Variants in BTBD16 observed in about 807,000 individuals in gnomAD.
BTBD16 encodes the protein BTB domain containing 16, also known as BTB/POZ domain-containing protein 16.
BTBD16 carries 66 observed loss-of-function variants against 67.4 expected under a neutral mutation model. The ratio of observed to expected loss-of-function variants is 0.98; its 90% confidence interval spans 0.80 to 1.20. BTBD16 has a LOEUF of 1.20. BTBD16 is among the 50% of genes most tolerant of loss of function. The pLI is 0.00. For synonymous variants in BTBD16, 242 were observed against 236.4 expected (o/e 1.02, Z -0.22); for missense variants, 634 against 616.0 (o/e 1.03, Z -0.31).
chr10:122,334,506 T>G (rs1324338809), intron 13 of BTBD16, among the ~76,000 whole-genome samples: 1 of 106,268 alleles, frequency 9.4e-6, no homozygotes, highest in Non-Finnish European at 1.9e-5. Context: ...TTTTTTTTTT[T>G]TTTTTTTTTT....
At chr10:122,333,874 G>A (rs1220382167) in intron 13 of BTBD16, among the ~76,000 whole-genome samples, 4 of 152,082 alleles carry the variant, frequency 2.6e-5, no homozygotes, top group Non-Finnish European at 2.9e-5. Context: ...AGTTCTCGAG[G>A]TAGCCTCCAG....
chr10:122,297,865 G>A (rs774088901), intron 8 of BTBD16, 28 bp downstream of exon 8: 7 of 1,610,092 alleles, frequency 4.3e-6, no homozygotes, highest in Non-Finnish European at 5.9e-6. Flanking sequence ...GGGGCACATC[G>A]CCCCTTGGGG....
At chr10:122,328,069 G>A (rs1468861810) in intron 10 of BTBD16, among the ~76,000 whole-genome samples, 1 of 152,194 alleles carries the variant, frequency 6.6e-6, no homozygotes, top group Admixed American at 6.5e-5. Flanking sequence ...CTTGCCCCTT[G>A]GAACCTGCTG....
intron 10 of BTBD16, among the ~76,000 whole-genome samples, chr10:122,326,776 G>T (rs2096445631): frequency 6.6e-6 from 1 of 152,144 alleles, no homozygotes; most frequent in Non-Finnish European, 1.5e-5. Context: ...TCCCTAGAGG[G>T]GTCATGCCCC....
At chr10:122,315,909 G>T (rs1039202147) in intron 10 of BTBD16, among the ~76,000 whole-genome samples, 14 of 152,074 alleles carry the variant, frequency 9.2e-5, no homozygotes, top group Admixed American at 6.6e-4. Flanking sequence ...CCCATAAAAT[G>T]ATCATTACAA....
At chr10:122,332,534 A>T (rs767543910) in intron 13 of BTBD16, 21 bp downstream of exon 13, 5 of 1,601,062 alleles carry the variant, frequency 3.1e-6, no homozygotes, top group East Asian at 4.5e-5. Context: ...CTGTACCCGA[A>T]CAAGGGGAAG....
At chr10:122,337,958 G>T (rs1016377015) in intron 15 of BTBD16, 59 bp from the exon 16 acceptor site, 11 of 1,418,956 alleles carry the variant, frequency 7.8e-6, no homozygotes, top group Non-Finnish European at 9.9e-6. Context: ...TTCCCCTTCT[G>T]GGGGGCAATT....
At chr10:122,300,511 G>C (rs565935061) in intron 9 of BTBD16, among the ~76,000 whole-genome samples, 1 of 152,006 alleles carries the variant, frequency 6.6e-6, no homozygotes, top group Non-Finnish European at 1.5e-5. Context: ...TAATATTAGG[G>C]AGTAATTTGC....
At chr10:122,319,780 T>C (rs1336876468) in intron 10 of BTBD16, among the ~76,000 whole-genome samples, 1 of 152,156 alleles carries the variant, frequency 6.6e-6, no homozygotes, top group African/African-American at 2.4e-5. Context: ...TTGATAAGGA[T>C]TGTCTTCAAT....
chr10:122,291,271 G>A (rs939369337), intron 7 of BTBD16, 77 bp downstream of exon 7: 2 of 1,527,682 alleles, frequency 1.3e-6, no homozygotes, highest in African/African-American at 2.8e-5. Flanking sequence ...CCATTTGCTG[G>A]AACATTCCTC....
At chr10:122,281,376 T>A (rs1483323328) in intron 3 of BTBD16, among the ~76,000 whole-genome samples, 1 of 152,036 alleles carries the variant, frequency 6.6e-6, no homozygotes, top group Non-Finnish European at 1.5e-5. Context: ...GTTGGGTGGA[T>A]TTTTTTGTTT....
chr10:122,283,106 G>C (rs10887118), intron 3 of BTBD16, among the ~76,000 whole-genome samples: 5,938 of 152,306 alleles, frequency 0.039, 331 homozygotes, highest in East Asian at 0.2. Context: ...GAGCAATGGG[G>C]AAACACTGGA....
rs535108570 is a variant in BTBD16 at position 122,315,562 on chromosome 10, A to G, written c.911+8254A>G. On this transcript the variant is annotated intron_variant, in intron 10 of 15. Transcript: ENST00000260723. ...AGCAGTCCCTCTTTTTCCATTTTCT[A>G]GAAGAGTTTGGGAGAGACTGCTGTT... Among the ~76,000 whole-genome samples the G allele has an allele frequency of 4.6e-5, 7 of 152,272 alleles. No homozygotes were observed. The South Asian group carries it at 1.0e-3, about 23-fold the overall frequency.
chr10:122,309,590 G>A (rs1168399839), intron 10 of BTBD16, among the ~76,000 whole-genome samples: 2 of 151,868 alleles, frequency 1.3e-5, no homozygotes, highest in Admixed American at 6.6e-5. Flanking sequence ...CGATCCACCC[G>A]CCTCGGCCTC....
Position 122,286,133 on chromosome 10 carries a change from AT to A in BTBD16, c.271del (p.Trp91GlyfsTer19), listed in dbSNP as rs1564962512. ...TGATTCTCGAGTGCCTGGGCTTCAA[AT>A]GGGAGCTCCATCAGCCCCAGCTTTT... ...DVILECLGFKWELHQPQLFQS... is the reference protein window; with the variant it reads ...DVILECLGFKXELHQPQLFQS... On this transcript the variant is annotated frameshift_variant, in exon 5 of 16. Transcript: ENST00000260723. LOFTEE classifies it high-confidence loss of function. The A allele has an allele frequency of 6.2e-7, 1 of 1,613,762 alleles. No individual in the cohort carries two copies. The highest frequency in any genetic ancestry group is 8.5e-7 in the Non-Finnish European group (1 of 1,179,774).
At chr10:122,335,056 A>C in intron 14 of BTBD16, 77 bp downstream of exon 14, 1 of 713,112 alleles carries the variant, frequency 1.4e-6, no homozygotes, top group East Asian at 2.9e-5. Context: ...TGAATTAATA[A>C]TAATTGATTC....
intron 7 of BTBD16, chr10:122,294,147 G>A (rs2096378933): frequency 7.1e-6 from 7 of 985,454 alleles, no homozygotes; most frequent in South Asian, 4.7e-5. Flanking sequence ...GCCAGGGCGG[G>A]CCTGCACATA....
intron 10 of BTBD16, among the ~76,000 whole-genome samples, chr10:122,310,270 G>A (rs1043765560): frequency 1.3e-5 from 2 of 152,228 alleles, no homozygotes; most frequent in African/African-American, 2.4e-5. Context: ...GAAGAAGAAT[G>A]TCGCAGTAGA....
At chr10:122,324,170 C>T (rs2096440293) in intron 10 of BTBD16, among the ~76,000 whole-genome samples, 1 of 151,846 alleles carries the variant, frequency 6.6e-6, no homozygotes, top group South Asian at 2.1e-4. Flanking sequence ...AGAAAGCCTT[C>T]TCTGATCTCA....
Sources: gnomAD v4.1 joint callset for allele counts (sites outside exome capture counted in the v4.1 genomes callset) on GRCh38, gnomAD v4.1.1 for gene constraint, MANE v1.5 for transcripts, NCBI Gene and HGNC (gene_info 2026-07-23, HGNC 2026-07-21) for gene names.